The following HMGCLL1 variants were observed in gnomAD, a reference collection of about 807,000 sequenced individuals.
HMGCLL1 encodes the protein 3-hydroxymethyl-3-methylglutaryl-CoA lyase, cytoplasmic.
In HMGCLL1, 36 loss-of-function variants were observed where a neutral mutation model predicts 39.1. The observed-to-expected ratio is 0.92, with a 90% CI of 0.71 to 1.22. The LOEUF is 1.22. HMGCLL1 is among the 50% of genes most tolerant of loss of function. The probability of loss-of-function intolerance (pLI) is 0.00; values close to 1 mark genes in which losing one functional copy is unlikely to be tolerated. For missense variants in HMGCLL1, 451 were observed against 416.5 expected, an observed-to-expected ratio of 1.08 and a Z score of -0.72; for synonymous variants, 149 against 144.0, an observed-to-expected ratio of 1.03 and a Z score of -0.25.
chr6:55,640,969 C>T, the HMGCLL1 span, among the ~76,000 whole-genome samples: 1 of 151,692 alleles, frequency 6.6e-6, no homozygotes, highest in South Asian at 2.1e-4. Context: ...CTAATAAATT[C>T]ACATTGATGA....
At chr6:55,515,961 T>C (rs1319145406) in intron 4 of HMGCLL1, among the ~76,000 whole-genome samples, 4 of 152,008 alleles carry the variant, frequency 2.6e-5, no homozygotes, top group Non-Finnish European at 5.9e-5. Context: ...GAGGATAGTC[T>C]CATATGTATA....
intron 7 of HMGCLL1, among the ~76,000 whole-genome samples, chr6:55,479,256 C>T (rs991418912): frequency 4.0e-5 from 6 of 151,534 alleles, no homozygotes; most frequent in Non-Finnish European, 7.4e-5. Context: ...AACTGTCAGG[C>T]AGTCTAGTAT....
At chr6:55,595,876 C>T in the HMGCLL1 span, among the ~76,000 whole-genome samples, 1 of 152,164 alleles carries the variant, frequency 6.6e-6, no homozygotes. Context: ...AGCATGATAA[C>T]ATAACATTTA....
chr6:55,520,619 T>C (rs1231079772), intron 3 of HMGCLL1, among the ~76,000 whole-genome samples: 3 of 152,072 alleles, frequency 2.0e-5, no homozygotes, highest in African/African-American at 7.2e-5. Flanking sequence ...TTGGGGAGTT[T>C]ATGTTATACT....
chr6:55,480,845 C>T lies in HMGCLL1; in HGVS notation c.795+14574G>A, dbSNP rs537253300. Among the ~76,000 whole-genome samples, 151 of 148,274 alleles carry T rather than the reference C, an allele frequency of 1.0e-3. 8 individuals carry two copies. The highest frequency in any genetic ancestry group is 3.9e-3 in the African/African-American group (146 of 37,864). ...GTTATTTGCAACGACATGGGTGGAA[C>T]TGGAGGTCATTATGTTAAGTGAAAT... On this transcript the variant is annotated intron_variant, in intron 7 of 8. Coordinates refer to ENST00000274901, the MANE Select transcript of HMGCLL1 (RefSeq NM_001042406.2).
At chr6:55,439,396 G>A in intron 8 of HMGCLL1, 38 bp downstream of exon 8, 1 of 1,572,776 alleles carries the variant, frequency 6.4e-7, no homozygotes, top group East Asian at 2.3e-5. Context: ...GGAGCTGCAA[G>A]GAATGCATGA....
the HMGCLL1 span, among the ~76,000 whole-genome samples, chr6:55,640,161 A>G: frequency 6.6e-6 from 1 of 152,000 alleles, no homozygotes; most frequent in Non-Finnish European, 1.5e-5. Flanking sequence ...GGCAGGTGGG[A>G]GATAAGAGGA....
At chr6:55,534,861 A>G (rs925057960) in intron 3 of HMGCLL1, among the ~76,000 whole-genome samples, 1 of 152,270 alleles carries the variant, frequency 6.6e-6, no homozygotes, top group African/African-American at 2.4e-5. Context: ...ATATGTAGCA[A>G]TTACATATAT....
At chr6:55,500,462 T>C (rs1766818392) in intron 5 of HMGCLL1, among the ~76,000 whole-genome samples, 1 of 151,908 alleles carries the variant, frequency 6.6e-6, no homozygotes, top group Non-Finnish European at 1.5e-5. Flanking sequence ...AAAAATAAAA[T>C]ACATATTCAA....
chr6:55,587,589 A>G, the HMGCLL1 span, among the ~76,000 whole-genome samples: 11 of 152,300 alleles, frequency 7.2e-5, no homozygotes, highest in African/African-American at 2.4e-4. Flanking sequence ...AAATGCTCCA[A>G]TTAAAAGACA....
At chr6:55,617,699 C>T in the HMGCLL1 span, among the ~76,000 whole-genome samples, 1 of 152,048 alleles carries the variant, frequency 6.6e-6, no homozygotes, top group South Asian at 2.1e-4. Flanking sequence ...CTGGTACCAC[C>T]ACTTTGGAAA....
intron 7 of HMGCLL1, among the ~76,000 whole-genome samples, chr6:55,449,571 C>T (rs955339980): frequency 1.3e-5 from 2 of 152,152 alleles, no homozygotes; most frequent in Admixed American, 1.3e-4. Context: ...AACGGATATA[C>T]CAATTGATAA....
intron 7 of HMGCLL1, among the ~76,000 whole-genome samples, chr6:55,443,317 G>A (rs935239330): frequency 3.3e-5 from 5 of 152,110 alleles, no homozygotes; most frequent in African/African-American, 1.2e-4. Flanking sequence ...AAAGTCAGAG[G>A]AATCAGCCGG....
At position 55,487,957 on chromosome 6, in the gene HMGCLL1, C is replaced by T. The variant is rs184572596; in HGVS notation, c.795+7462G>A. Among the ~76,000 whole-genome samples, 67 of 152,166 alleles carry T rather than the reference C, an allele frequency of 4.4e-4. No individual in the cohort carries two copies. The East Asian group carries it at 8.9e-3, about 20-fold the overall frequency. On this transcript the variant is annotated intron_variant, in intron 7 of 8. Transcript: ENST00000274901. ...ACTGGAAACTCTCCAAGGTCAGTAA[C>T]CTGAGCTTACTCTTATATGCATCCT...
At chr6:55,470,057 G>A (rs1764980749) in intron 7 of HMGCLL1, among the ~76,000 whole-genome samples, 1 of 151,848 alleles carries the variant, frequency 6.6e-6, no homozygotes, top group African/African-American at 2.4e-5. Context: ...TGACCCTGGG[G>A]TTGTTTTATC....
chr6:55,677,523 T>C, the HMGCLL1 span, among the ~76,000 whole-genome samples: 1 of 152,250 alleles, frequency 6.6e-6, no homozygotes, highest in Non-Finnish European at 1.5e-5. Flanking sequence ...AACTGCTTTA[T>C]ACATATGGGT....
intron 7 of HMGCLL1, among the ~76,000 whole-genome samples, chr6:55,471,339 G>A (rs1451907312): frequency 6.6e-6 from 1 of 151,628 alleles, no homozygotes; most frequent in Non-Finnish European, 1.5e-5. Context: ...GTGAAAAATT[G>A]TTTCAGTTTT....
the HMGCLL1 span, among the ~76,000 whole-genome samples, chr6:55,655,557 T>TAGATAGATAGAC: frequency 2.0e-5 from 3 of 151,724 alleles, no homozygotes; most frequent in East Asian, 5.8e-4. Flanking sequence ...GATAGATAGA[T>TAGATAGATAGAC]AGATAGATAG....
intron 7 of HMGCLL1, among the ~76,000 whole-genome samples, chr6:55,448,592 G>T (rs959301033): frequency 6.6e-6 from 1 of 151,830 alleles, no homozygotes. Context: ...AAGTATTCTG[G>T]TCTATCTCAG....
Sources: allele counts gnomAD v4.1 joint callset (sites outside exome capture counted in the v4.1 genomes callset), GRCh38; gene constraint gnomAD v4.1.1; transcripts MANE v1.5; gene names NCBI Gene and HGNC (gene_info 2026-07-23, HGNC 2026-07-21).